HPS5: variants seen among roughly 807,000 people sequenced by gnomAD.
HPS5 encodes HPS5 biogenesis of lysosomal organelles complex 2 subunit 2.
Under a neutral mutation model 128.0 loss-of-function variants are expected in HPS5, and 83 were observed. The observed-to-expected ratio is 0.65, with a 90% CI of 0.54 to 0.78. The LOEUF is 0.78. Among genes scored for constraint, HPS5 ranks in the 30% least tolerant of loss-of-function variants. HPS5 has a pLI of 0.00. For missense variants in HPS5, 1,281 were observed against 1,326.2 expected (o/e 0.97, Z 0.53); for synonymous variants, 475 against 470.2 (o/e 1.01, Z -0.13).
chr11:18,287,720 CT>C, intron 17 of HPS5, 30 bp from the exon 18 acceptor site: 1 of 1,609,978 alleles, frequency 6.2e-7, no homozygotes, highest in Non-Finnish European at 8.5e-7. Flanking sequence ...ACTTTAGTCT[CT>C]AATTTCAGTG....
chr11:18,311,511 ATTTT>A (rs11376847), intron 3 of HPS5, 60 bp from the exon 4 acceptor site: 18 of 530,486 alleles, frequency 3.4e-5, no homozygotes, highest in African/African-American at 4.5e-5. Flanking sequence ...TATTATTATT[ATTTT>A]TTTTTTTTTT....
At position 18,296,926 on chromosome 11, in the gene HPS5, C is replaced by CT; in HGVS notation, c.1381dup (p.Ser461LysfsTer5). ...GGAGCAAGAGTCTTCATCTGACTGA[C>CT]TGCCTCTTCTACTACTAATGATACG... On this transcript the variant is annotated frameshift_variant, in exon 12 of 23. Coordinates refer to ENST00000349215, the MANE Select transcript of HPS5 (RefSeq NM_181507.2). LOFTEE classifies it high-confidence loss of function. 6.2e-7 allele frequency: 1 copy of CT among 1,610,262 alleles called. No individual in the cohort carries two copies. Among genetic ancestry groups the CT allele is most frequent in the Non-Finnish European group, 8.5e-7 (1 of 1,176,812 alleles).
At chr11:18,286,521 GAC>G (rs1318417108) in intron 19 of HPS5, 68 bp downstream of exon 19, 3 of 1,474,880 alleles carry the variant, frequency 2.0e-6, no homozygotes, top group Non-Finnish European at 1.9e-6. Flanking sequence ...CAGCCTAGGC[GAC>G]AGAGTGAGAT....
At position 18,308,962 on chromosome 11, in the gene HPS5, A is replaced by G. The variant is rs1191711177; in HGVS notation, c.595T>C (p.Leu199=). The change falls in exon 6 of 23, where the codon TTG becomes CTG. Residue 199 remains leucine, a synonymous_variant. Transcript: ENST00000349215. ...TCAATATACCTCTCAGTGTCACACA[A>G]GAAGGATCGAGTAAGTGAAGATATA... The part of the protein sequence containing the change: ...LLISSLTRSF[L]CDTEREKFWK... The G allele has an allele frequency of 5.0e-6, 8 of 1,614,162 alleles. No individual in the cohort carries two copies. The highest frequency in any genetic ancestry group is 1.7e-5 in the Admixed American group (1 of 60,034).
Position 18,306,318 on chromosome 11 carries a change from T to G in HPS5, c.641A>C (p.Glu214Ala). 1.2e-6 allele frequency: 2 copies of G among 1,614,018 alleles called. No individual in the cohort carries two copies. Among genetic ancestry groups the G allele is most frequent in the Non-Finnish European group, 1.7e-6 (2 of 1,179,930 alleles). ...ACAAGCTCCATATTCTCCATCTCTT[T>G]CCTTGTTTCCAATTTTCCAAAACTT... ...REKFWKIGNK[E>A]RDGEYGACFF... Residue 214 changes from glutamate (E) to alanine (A), a missense_variant, in exon 7 of 23, where the codon GAA (glutamate) becomes GCA (alanine). Transcript: ENST00000349215.
intron 20 of HPS5, among the ~76,000 whole-genome samples, chr11:18,284,798 A>C (rs1246082361): frequency 6.6e-6 from 1 of 152,150 alleles, no homozygotes; most frequent in Non-Finnish European, 1.5e-5. Context: ...ATCACCAGGC[A>C]ATAAATAACT....
chr11:18,321,213 T>A (rs533057479), intron 1 of HPS5, among the ~76,000 whole-genome samples: 1 of 152,352 alleles, frequency 6.6e-6, no homozygotes, highest in East Asian at 1.9e-4. Context: ...AAATCTGTTA[T>A]CTCCTCCCTG....
chr11:18,322,152 G>C (rs766430341), upstream of HPS5: 1 of 152,380 alleles, frequency 6.6e-6, no homozygotes, highest in East Asian at 1.9e-4. Context: ...AGAGCGGAAC[G>C]TGAACTTCAG....
intron 14 of HPS5, 148 bp downstream of exon 14, chr11:18,294,870 CTT>C (rs1860864208): frequency 1.3e-6 from 1 of 745,744 alleles, no homozygotes. Flanking sequence ...TTTTCAGAAA[CTT>C]TACAAATTTG....
chr11:18,296,566 A>C (rs1861090780), intron 12 of HPS5: 1 of 615,816 alleles, frequency 1.6e-6, no homozygotes, highest in African/African-American at 1.8e-5. Context: ...ATTTTGATGC[A>C]TGATCAAAAA....
intron 12 of HPS5, chr11:18,296,382 A>G (rs1450556497): frequency 3.6e-6 from 2 of 550,270 alleles, no homozygotes; most frequent in Admixed American, 3.2e-5. Context: ...TAGGATCTCT[A>G]TTATTCTCTT....
Position 18,309,085 on chromosome 11 carries a change from A to G in HPS5, c.478-6T>C, listed in dbSNP as rs775376976. On this transcript the variant is annotated splice_region_variant and splice_polypyrimidine_tract_variant and intron_variant, in intron 5 of 22. Coordinates refer to ENST00000349215, the MANE Select transcript of HPS5 (RefSeq NM_181507.2). The stretch of plus-strand genomic sequence containing the variant: ...ATCACAAAAGCAGCAGCTGCCTAAA[A>G]GGAATGTGAGAAAGAAATAAAGTTT... 6.2e-7 allele frequency: 1 copy of G among 1,613,384 alleles called. No individual in the cohort carries two copies. Among genetic ancestry groups the G allele is most frequent in the South Asian group, 1.1e-5 (1 of 91,056 alleles).
rs1859779099 is a variant in HPS5 at position 18,286,729 on chromosome 11, A to G, written c.2718-19T>C. The G allele has an allele frequency of 6.2e-7, 1 of 1,613,494 alleles. No homozygotes were observed. The highest frequency in any genetic ancestry group is 8.5e-7 in the Non-Finnish European group (1 of 1,179,914). The stretch of plus-strand genomic sequence containing the variant: ...AGATGACCTAAGAGAAAGTTGGGGA[A>G]AAAAGTCACCAATCTTCATGCTAAG... On this transcript the variant is annotated intron_variant, in intron 18 of 22. Transcript: ENST00000349215.
Position 18,295,001 on chromosome 11 carries a change from T to C in HPS5, c.1784+19A>G. On this transcript the variant is annotated intron_variant, in intron 14 of 22. Transcript: ENST00000349215. The stretch of plus-strand genomic sequence containing the variant: ...CTGGATTCCCTAGAATGTATAGAGA[T>C]TTATGTGTAAGGGCTTACTCAGTGT... 6.2e-7 allele frequency: 1 copy of C among 1,613,520 alleles called. No homozygotes were observed. The highest frequency in any genetic ancestry group is 8.5e-7 in the Non-Finnish European group (1 of 1,179,548).
At chr11:18,281,625 C>T (rs1483311000) in intron 22 of HPS5, among the ~76,000 whole-genome samples, 1 of 151,858 alleles carries the variant, frequency 6.6e-6, no homozygotes, top group Non-Finnish European at 1.5e-5. Flanking sequence ...AGGATGGTCT[C>T]AATCTCTTGA....
intron 8 of HPS5, among the ~76,000 whole-genome samples, chr11:18,303,721 C>T (rs12575902): frequency 0.04 from 6,147 of 152,062 alleles, 299 homozygotes; most frequent in East Asian, 0.26. Context: ...GGCGTGGTGG[C>T]GTGCGCCTGT....
At chr11:18,290,527 T>C (rs1368979348) in intron 16 of HPS5, among the ~76,000 whole-genome samples, 1 of 152,214 alleles carries the variant, frequency 6.6e-6, no homozygotes, top group Non-Finnish European at 1.5e-5. Context: ...ATGAGAGATT[T>C]TCTTCTTTTA....
At position 18,305,385 on chromosome 11, in the gene HPS5, T is replaced by C. The variant is rs755111661; in HGVS notation, c.896+37A>G. 6 of 1,346,956 alleles carry C rather than the reference T, an allele frequency of 4.5e-6. No individual in the cohort carries two copies. The East Asian group carries it at 9.2e-5, about 21-fold the overall frequency. The allele number at this position is 1,346,956 out of a possible 1,614,324, so 83.4% of individuals were successfully genotyped here. A position where few individuals can be genotyped will look rare whatever the true frequency, so the allele number is the denominator to read the frequency against. On this transcript the variant is annotated intron_variant, in intron 8 of 22. Transcript: ENST00000349215. Reference sequence around the variant, plus strand: ...AACAGAGATAAAAATCTAAGTATTCTTTTTCCCCCCCAGAACTAAGGAAAG... The same window carrying C: ...AACAGAGATAAAAATCTAAGTATTCCTTTTCCCCCCCAGAACTAAGGAAAG...
chr11:18,321,824 C>G (rs937778741), intron 1 of HPS5, 122 bp downstream of exon 1: 1 of 152,222 alleles, frequency 6.6e-6, no homozygotes, highest in Non-Finnish European at 1.5e-5. Context: ...TTTATACATT[C>G]ATTCATTCAA....
Sources: allele counts gnomAD v4.1 joint callset (sites outside exome capture counted in the v4.1 genomes callset), GRCh38; gene constraint gnomAD v4.1.1; transcripts MANE v1.5; gene names NCBI Gene and HGNC (gene_info 2026-07-23, HGNC 2026-07-21).